Variants in MYO19 observed in about 807,000 individuals in gnomAD.
The protein encoded by MYO19 is myosin XIX, also known as unconventional myosin-XIX.
MYO19 carries 132 observed loss-of-function variants against 129.2 expected under a neutral mutation model. The ratio of observed to expected loss-of-function variants is 1.02; its 90% CI spans 0.89 to 1.18. MYO19 has a LOEUF of 1.18. Among genes scored for constraint, MYO19 ranks in the 50% most tolerant of loss-of-function variants. The probability of loss-of-function intolerance (pLI) is 0.00; values close to 1 mark genes in which losing one functional copy is unlikely to be tolerated. For missense variants in MYO19, 1,210 were observed against 1,216.7 expected (o/e 0.99, Z 0.08); for synonymous variants, 531 against 477.2 (o/e 1.11, Z -1.47).
At chr17:36,525,173 TC>T in intron 6 of MYO19, 54 bp downstream of exon 6, 1 of 1,338,934 alleles carries the variant, frequency 7.5e-7, no homozygotes, top group African/African-American at 1.4e-5. Flanking sequence ...GACCCCTGCC[TC>T]CCTGTCCACC....
chr17:36,496,384 C>A lies in MYO19; in HGVS notation c.2780G>T (p.Arg927Ile), dbSNP rs1447228294. ...GTCAGCATACCGCAGTGGAGACTTT[C>A]TGCAGTGAAACTTTATCGATCCCTA... is the stretch of plus-strand genomic sequence containing the variant. ...LPQGSIKFHC[R>I]KSPLRYADIC... The change falls in exon 26 of 26, where the codon AGA becomes ATA. Residue 927 changes from arginine (R) to isoleucine (I), a missense_variant. Coordinates refer to ENST00000614623, the MANE Select transcript of MYO19 (RefSeq NM_001163735.2). 1 of 1,613,982 alleles carries A rather than the reference C, an allele frequency of 6.2e-7. No homozygotes were observed. Among genetic ancestry groups the A allele is most frequent in the East Asian group, 2.2e-5 (1 of 44,888 alleles).
intron 23 of MYO19, chr17:36,500,049 G>C (rs952662369): frequency 6.6e-6 from 1 of 151,760 alleles, no homozygotes; most frequent in Non-Finnish European, 1.5e-5. Flanking sequence ...AGTAGAGAAA[G>C]GGTTTTGCCA....
intron 3 of MYO19, among the ~76,000 whole-genome samples, chr17:36,531,337 G>A (rs1034032938): frequency 1.4e-5 from 2 of 146,902 alleles, no homozygotes; most frequent in Non-Finnish European, 3.0e-5. Flanking sequence ...AGAGATTGCA[G>A]TGAGCCAAGA....
chr17:36,503,664 C>T (rs2071686223), intron 20 of MYO19, among the ~76,000 whole-genome samples: 2 of 152,384 alleles, frequency 1.3e-5, no homozygotes, highest in African/African-American at 4.8e-5. Context: ...CTGATATCTG[C>T]ACTTCCTCCC....
intron 14 of MYO19, chr17:36,508,818 T>G (rs1205638725): frequency 7.5e-6 from 4 of 536,766 alleles, no homozygotes; most frequent in Non-Finnish European, 1.3e-5. Context: ...TAAAGGGCTC[T>G]TTCAGACAAG....
chr17:36,537,941 A>G (rs948348209), upstream of MYO19: 3 of 1,614,074 alleles, frequency 1.9e-6, no homozygotes, highest in Admixed American at 1.7e-5. Flanking sequence ...ACTTTACCTC[A>G]CTGAAGAGGT....
In MYO19 at chr17:36,540,064, A is replaced by G. The variant is rs570636556; in HGVS notation, n.395+2017T>C. On this transcript the variant is annotated intron_variant and non_coding_transcript_variant, in intron 2 of 2. Transcript: ENST00000610496. The stretch of plus-strand genomic sequence containing the variant: ...TAATGGAATTGAAAGAAGGCTGAAC[A>G]CAGAAGAAGGAAGAGCATGGGCAGA... 2.0e-5 allele frequency among the ~76,000 whole-genome samples: 3 copies of G among 152,230 alleles called. No individual in the cohort carries two copies. The South Asian group carries it at 6.2e-4, about 32-fold the overall frequency.
At chr17:36,542,631 G>T (rs1188316583) in intron 1 of MYO19, among the ~76,000 whole-genome samples, 1 of 151,594 alleles carries the variant, frequency 6.6e-6, no homozygotes, top group South Asian at 2.1e-4. Flanking sequence ...CCCGGGAGGC[G>T]GAGCTTGCAG....
At chr17:36,529,785 G>C (rs905675071) in intron 3 of MYO19, among the ~76,000 whole-genome samples, 2 of 152,150 alleles carry the variant, frequency 1.3e-5, no homozygotes, top group African/African-American at 4.8e-5. Flanking sequence ...CAACCAGAGA[G>C]GCATCTGAGT....
intron 2 of MYO19, among the ~76,000 whole-genome samples, chr17:36,539,986 T>C (rs988427360): frequency 3.1e-4 from 47 of 151,874 alleles, no homozygotes; most frequent in East Asian, 7.7e-4. Context: ...GAGAACATTA[T>C]AGATGGATGA....
At chr17:36,519,779 C>T (rs1452150673) in intron 6 of MYO19, among the ~76,000 whole-genome samples, 1 of 151,948 alleles carries the variant, frequency 6.6e-6, no homozygotes, top group African/African-American at 2.4e-5. Context: ...GCAATGAATT[C>T]CCTCAACTTC....
upstream of MYO19, chr17:36,539,456 A>C (rs2074183954): frequency 6.3e-6 from 1 of 158,408 alleles, no homozygotes; most frequent in Admixed American, 6.5e-5. Flanking sequence ...TATACTATGA[A>C]GTCAGACAGT....
chr17:36,498,268 G>C lies in MYO19; in HGVS notation c.2755C>G (p.Gln919Glu), dbSNP rs150601453. The change falls in exon 25 of 26, where the codon CAG becomes GAG. Residue 919 changes from glutamine (Q) to glutamate (E), a missense_variant and splice_region_variant. By Grantham distance (29) the Gln-to-Glu change is conservative (BLOSUM62 2). Coordinates refer to ENST00000614623, the MANE Select transcript of MYO19 (RefSeq NM_001163735.2). ...AGVTSIRALP[Q>E]GSIKFHCRKS... ...CATGGCCATCACACACAACGTACCT[G>C]AGGCAGCGCTCGGATGGACGTGACA... 3.6e-5 allele frequency: 58 copies of C among 1,610,180 alleles called. No individual in the cohort carries two copies. The East Asian group carries it at 1.3e-3, about 35-fold the overall frequency.
rs1193250156 is a variant in MYO19, at chr17:36,534,060, G to C, written c.-251C>G. 6.6e-6 allele frequency: 1 copy of C among 152,262 alleles called. No homozygotes were observed. Among genetic ancestry groups the C allele is most frequent in the African/African-American group, 2.4e-5 (1 of 41,448 alleles). The allele number at this position is 152,262 out of a possible 1,614,324, so 9.4% of individuals were successfully genotyped here. On this transcript the variant is annotated 5_prime_UTR_variant, in exon 2 of 26. Coordinates refer to ENST00000614623, the MANE Select transcript of MYO19 (RefSeq NM_001163735.2). ...AGTTCTCCCAGCTCCTGCTCCAGTC[G>C]GTTTCGCGGTTACCAGCCAAGAATT... is the stretch of plus-strand genomic sequence containing the variant.
chr17:36,507,385 G>T lies in MYO19; in HGVS notation c.1467+14C>A. ...GCCAACTCTGGTGCTCGGCTCATTA[G>T]CTGACCTCCCCACCTCATTTATGAG... On this transcript the variant is annotated intron_variant, in intron 16 of 25. Transcript: ENST00000614623. The T allele has an allele frequency of 6.2e-7, 1 of 1,608,754 alleles. No homozygotes were observed.
At chr17:36,501,465 G>A in intron 21 of MYO19, 1 of 446,556 alleles carries the variant, frequency 2.2e-6, no homozygotes, top group Non-Finnish European at 4.0e-6. Flanking sequence ...TTGCGCCTGT[G>A]TGTCCTGGGG....
At chr17:36,498,210 C>A in intron 25 of MYO19, 56 bp downstream of exon 25, 1 of 1,561,062 alleles carries the variant, frequency 6.4e-7, no homozygotes, top group Admixed American at 1.7e-5. Context: ...AACTTGTAGG[C>A]TTTGCTCCTG....
chr17:36,538,407 C>T (rs752621297), upstream of MYO19: 5 of 1,613,836 alleles, frequency 3.1e-6, no homozygotes, highest in African/African-American at 2.7e-5. Flanking sequence ...AAGAATGGAA[C>T]CCAGTCTTTG....
chr17:36,530,346 G>C (rs2073754390), intron 3 of MYO19, among the ~76,000 whole-genome samples: 1 of 151,554 alleles, frequency 6.6e-6, no homozygotes, highest in Non-Finnish European at 1.5e-5. Flanking sequence ...ATGGGATAAT[G>C]GTACCTACCT....
Sources: gnomAD v4.1 joint callset for allele counts (sites outside exome capture counted in the v4.1 genomes callset) on GRCh38, gnomAD v4.1.1 for gene constraint, MANE v1.5 for transcripts, NCBI Gene and HGNC (gene_info 2026-07-23, HGNC 2026-07-21) for gene names.